The following PSD3 variants were observed in gnomAD, a reference collection of about 807,000 sequenced individuals.
PSD3 encodes the protein pleckstrin and Sec7 domain containing 3, also known as PH and SEC7 domain-containing protein 3.
A neutral mutation model predicts 105.5 loss-of-function variants in PSD3; 49 were observed. The ratio of observed to expected loss-of-function variants is 0.46; its 90% CI spans 0.37 to 0.59. The LOEUF (loss-of-function observed/expected upper bound fraction) is 0.59. Among genes scored for constraint, PSD3 ranks in the 20% least tolerant of loss-of-function variants. The probability of loss-of-function intolerance (pLI) is 0.00; values close to 1 mark genes in which losing one functional copy is unlikely to be tolerated. For synonymous variants in PSD3, 557 were observed against 457.8 expected, an observed-to-expected ratio of 1.22 and a Z score of -2.77; for missense variants, 1,561 against 1,263.8, an observed-to-expected ratio of 1.24 and a Z score of -3.57.
At chr8:19,056,432 A>G (rs1828712162) in intron 1 of PSD3, among the ~76,000 whole-genome samples, 1 of 152,260 alleles carries the variant, frequency 6.6e-6, no homozygotes, top group Non-Finnish European at 1.5e-5. Context: ...TAAAGAAAAA[A>G]GAAGGCTCCT....
At chr8:18,970,026 G>C (rs1450196055) in intron 1 of PSD3, among the ~76,000 whole-genome samples, 1 of 137,106 alleles carries the variant, frequency 7.3e-6, no homozygotes, top group Non-Finnish European at 1.5e-5. Context: ...TAGGTAAAAG[G>C]AAAAACAAGA....
At chr8:18,630,044 G>C (rs1044339172) in intron 11 of PSD3, among the ~76,000 whole-genome samples, 1 of 151,816 alleles carries the variant, frequency 6.6e-6, no homozygotes, top group Non-Finnish European at 1.5e-5. Context: ...GTCCTCCAGT[G>C]ATAAAGCAAC....
chr8:18,696,558 T>C (rs547673570), intron 9 of PSD3, among the ~76,000 whole-genome samples: 24 of 152,348 alleles, frequency 1.6e-4, no homozygotes, highest in Middle Eastern at 3.4e-3. Context: ...AAAGTGCATT[T>C]CTTTTAAATT....
chr8:18,631,264 T>A (rs1054540730), intron 11 of PSD3, among the ~76,000 whole-genome samples: 1 of 151,986 alleles, frequency 6.6e-6, no homozygotes, highest in African/African-American at 2.4e-5. Flanking sequence ...AATGGGTATC[T>A]ATTGCTTTGT....
chr8:19,005,814 T>G (rs1055962455), intron 1 of PSD3, among the ~76,000 whole-genome samples: 1 of 151,912 alleles, frequency 6.6e-6, no homozygotes, highest in African/African-American at 2.4e-5. Flanking sequence ...GTGATGAATA[T>G]GCTCTAAAAT....
At chr8:18,691,550 A>G (rs560320091) in intron 9 of PSD3, among the ~76,000 whole-genome samples, 1 of 152,378 alleles carries the variant, frequency 6.6e-6, no homozygotes, top group Admixed American at 6.5e-5. Context: ...TCTTAATTCT[A>G]GCCCAAAGTA....
intron 9 of PSD3, among the ~76,000 whole-genome samples, chr8:18,659,735 G>A (rs536700617): frequency 1.3e-5 from 2 of 152,284 alleles, no homozygotes; most frequent in African/African-American, 4.8e-5. Flanking sequence ...CGCCTTTGTT[G>A]GTGAGGATGA....
At position 18,527,716 on chromosome 8, in the gene PSD3, A is replaced by G. The variant is rs1001016365; in HGVS notation, c.*8027T>C. On this transcript the variant is annotated 3_prime_UTR_variant, in exon 16 of 16. Transcript: ENST00000327040. ...TCCACACAAATTACTGTTCCTTTCA[A>G]AAGAAGACCACCACAAACGCCATCG... 1.3e-5 allele frequency: 2 copies of G among 152,658 alleles called. No individual in the cohort carries two copies. The highest frequency in any genetic ancestry group is 4.8e-5 in the African/African-American group (2 of 41,468). The allele number at this position is 152,658 out of a possible 1,614,324, so 9.5% of individuals were successfully genotyped here.
At chr8:18,628,504 A>T (rs1236943106) in intron 11 of PSD3, among the ~76,000 whole-genome samples, 1 of 151,994 alleles carries the variant, frequency 6.6e-6, no homozygotes, top group East Asian at 1.9e-4. Flanking sequence ...CATTCCTAAA[A>T]TTAAGGTGAA....
intron 1 of PSD3, among the ~76,000 whole-genome samples, chr8:18,994,096 T>G (rs1825941547): frequency 6.6e-6 from 1 of 151,998 alleles, no homozygotes; most frequent in Non-Finnish European, 1.5e-5. Flanking sequence ...GGCAAATTAC[T>G]TAACCTCTCT....
chr8:18,653,289 G>A (rs1808652438), intron 10 of PSD3, among the ~76,000 whole-genome samples: 1 of 151,640 alleles, frequency 6.6e-6, no homozygotes, highest in Non-Finnish European at 1.5e-5. Context: ...CCACTATAGT[G>A]TCTTCTTCTA....
intron 1 of PSD3, among the ~76,000 whole-genome samples, chr8:18,976,167 G>C (rs953781381): frequency 1.4e-4 from 21 of 146,878 alleles, no homozygotes; most frequent in Non-Finnish European, 2.7e-4. Flanking sequence ...CATTTGCAAT[G>C]CATAGGAGAA....
chr8:18,814,292 A>G (rs1051302997), intron 4 of PSD3, among the ~76,000 whole-genome samples: 7 of 152,134 alleles, frequency 4.6e-5, no homozygotes, highest in Non-Finnish European at 1.0e-4. Context: ...CCTTTTTCTC[A>G]GCCTTGCTTT....
intron 9 of PSD3, among the ~76,000 whole-genome samples, chr8:18,718,878 G>A (rs965982916): frequency 1.3e-5 from 2 of 152,054 alleles, no homozygotes; most frequent in African/African-American, 4.8e-5. Context: ...GAGGCAATGG[G>A]GAGAGCAGAG....
At chr8:18,544,032 T>A (rs911912994) in intron 15 of PSD3, among the ~76,000 whole-genome samples, 2 of 151,920 alleles carry the variant, frequency 1.3e-5, no homozygotes, top group Non-Finnish European at 2.9e-5. Context: ...TGAATACATA[T>A]CCTCCTTACA....
At chr8:18,660,357 T>A (rs1186943832) in intron 9 of PSD3, among the ~76,000 whole-genome samples, 1 of 152,140 alleles carries the variant, frequency 6.6e-6, no homozygotes, top group Non-Finnish European at 1.5e-5. Context: ...GTTGACCTCT[T>A]GATTTCAGAC....
At chr8:18,584,115 A>C (rs1283488015) in intron 12 of PSD3, among the ~76,000 whole-genome samples, 1 of 152,204 alleles carries the variant, frequency 6.6e-6, no homozygotes, top group African/African-American at 2.4e-5. Flanking sequence ...TATGTTAGAA[A>C]ATCTCAAAGT....
intron 12 of PSD3, among the ~76,000 whole-genome samples, chr8:18,576,084 T>C (rs979076801): frequency 2.0e-5 from 3 of 151,400 alleles, no homozygotes; most frequent in Non-Finnish European, 4.4e-5. Context: ...AGATATTGTC[T>C]GTTTTCTTAT....
intron 10 of PSD3, among the ~76,000 whole-genome samples, chr8:18,643,891 G>T (rs908636756): frequency 6.6e-6 from 1 of 152,226 alleles, no homozygotes; most frequent in Non-Finnish European, 1.5e-5. Context: ...TGCTGCTAAG[G>T]TTTATGGCTT....
Sources: allele counts gnomAD v4.1 joint callset (sites outside exome capture counted in the v4.1 genomes callset), GRCh38; gene constraint gnomAD v4.1.1; transcripts MANE v1.5; gene names NCBI Gene and HGNC (gene_info 2026-07-23, HGNC 2026-07-21).